Variants in DCHS2 observed in about 807,000 individuals in gnomAD.
The protein encoded by DCHS2 is protocadherin-23.
Under a neutral mutation model 182.4 loss-of-function variants are expected in DCHS2, and 142 were observed. That is an observed-to-expected ratio of 0.78 (90% CI 0.68 to 0.89). The LOEUF (loss-of-function observed/expected upper bound fraction) is 0.89, where lower values mean the gene tolerates loss of function less well. Ranked by LOEUF, DCHS2 falls within the 40% of genes least tolerant of loss-of-function variation. The pLI is 0.00. For synonymous variants in DCHS2, 1,740 were observed against 1,663.3 expected, an observed-to-expected ratio of 1.05 and a Z score of -1.12; for missense variants, 4,319 against 4,198.6, an observed-to-expected ratio of 1.03 and a Z score of -0.79.
At chr4:154,359,530 T>C (rs1730022906) in intron 3 of DCHS2, among the ~76,000 whole-genome samples, 1 of 151,504 alleles carries the variant, frequency 6.6e-6, no homozygotes, top group Non-Finnish European at 1.5e-5. Flanking sequence ...AGATACGGAG[T>C]TTAAAAGTGA....
intron 11 of DCHS2, 47 bp downstream of exon 11, chr4:154,305,050 T>A (rs751780605): frequency 2.2e-5 from 33 of 1,518,484 alleles, no homozygotes; most frequent in Admixed American, 9.5e-5. Flanking sequence ...TTTTTTTAAA[T>A]TTAATTTTTA....
rs1213170036 is a variant in DCHS2 at position 154,329,722 on chromosome 4, A to G, written c.3731-12T>C. 6.2e-7 allele frequency: 1 copy of G among 1,606,066 alleles called. No individual in the cohort carries two copies. Among genetic ancestry groups the G allele is most frequent in the South Asian group, 1.1e-5 (1 of 90,818 alleles). On this transcript the variant is annotated splice_polypyrimidine_tract_variant and intron_variant, in intron 5 of 19. Coordinates refer to ENST00000357232, the MANE Select transcript of DCHS2 (RefSeq NM_001358235.2). The stretch of plus-strand genomic sequence containing the variant: ...ATTGATTAACTCTCCTGCAGAGTAC[A>G]GAGCAGAACAAGACACAGGCACTGT...
At chr4:154,451,292 C>T (rs1490665739) in intron 1 of DCHS2, among the ~76,000 whole-genome samples, 1 of 152,194 alleles carries the variant, frequency 6.6e-6, no homozygotes, top group Non-Finnish European at 1.5e-5. Flanking sequence ...CAGACAACTA[C>T]TCTCCCTTTT....
At chr4:154,311,253 G>A (rs193290176) in intron 10 of DCHS2, among the ~76,000 whole-genome samples, 1 of 152,010 alleles carries the variant, frequency 6.6e-6, no homozygotes, top group East Asian at 1.9e-4. Context: ...CTTTTTTTAA[G>A]ACAGCATCTC....
chr4:154,373,717 C>G (rs991119108), intron 2 of DCHS2, among the ~76,000 whole-genome samples: 1 of 152,146 alleles, frequency 6.6e-6, no homozygotes, highest in Non-Finnish European at 1.5e-5. Flanking sequence ...AGAGGGTTCC[C>G]TCCTGCACAC....
At chr4:154,363,232 A>G (rs1319528392) in intron 3 of DCHS2, among the ~76,000 whole-genome samples, 1 of 152,188 alleles carries the variant, frequency 6.6e-6, no homozygotes, top group Non-Finnish European at 1.5e-5. Flanking sequence ...AAAGGAAAAA[A>G]AATCAGTATG....
intron 1 of DCHS2, among the ~76,000 whole-genome samples, chr4:154,432,966 T>C (rs903379438): frequency 6.6e-6 from 1 of 152,174 alleles, no homozygotes; most frequent in Non-Finnish European, 1.5e-5. Flanking sequence ...AACTGCTACC[T>C]TCCTCAGTGG....
At chr4:154,319,656 TAAAA>T (rs59154846) in intron 9 of DCHS2, among the ~76,000 whole-genome samples, 29,948 of 116,866 alleles carry the variant, frequency 0.26, 3,387 homozygotes, top group South Asian at 0.35. Context: ...TGGCTGTTAC[TAAAA>T]AAAAAAAAAA....
At chr4:154,242,321 T>A (rs771203443) in intron 17 of DCHS2, among the ~76,000 whole-genome samples, 6 of 152,174 alleles carry the variant, frequency 3.9e-5, no homozygotes, top group Non-Finnish European at 7.4e-5. Context: ...TAGAGGAGGT[T>A]CACAATGGTT....
intron 1 of DCHS2, among the ~76,000 whole-genome samples, chr4:154,413,128 G>C (rs1480488347): frequency 6.6e-6 from 1 of 152,140 alleles, no homozygotes; most frequent in Non-Finnish European, 1.5e-5. Context: ...AACCACTGGA[G>C]CCAATTTATT....
chr4:154,339,047 T>G (rs961458360), intron 3 of DCHS2, among the ~76,000 whole-genome samples: 38 of 152,184 alleles, frequency 2.5e-4, no homozygotes, highest in African/African-American at 8.2e-4. Flanking sequence ...GCTGAGATTA[T>G]GAAGTCTGAG....
chr4:154,491,546 G>A lies in DCHS2; in HGVS notation c.-191C>T. On this transcript the variant is annotated 5_prime_UTR_variant, in exon 1 of 20. Coordinates refer to ENST00000357232, the MANE Select transcript of DCHS2 (RefSeq NM_001358235.2). The stretch of plus-strand genomic sequence containing the variant: ...AAAGCGTCCTCTGCCTGCAGCTCAC[G>A]CAGACAGGGAAGTAAGCTCTAGCTG... 2 of 1,386,242 alleles carry A rather than the reference G, an allele frequency of 1.4e-6. No homozygotes were observed. Among genetic ancestry groups the A allele is most frequent in the Non-Finnish European group, 1.9e-6 (2 of 1,076,822 alleles). 85.9% of individuals were successfully genotyped at this position (1,386,242 alleles called of 1,614,324 possible). A position where few individuals can be genotyped will look rare whatever the true frequency, so the allele number is the denominator to read the frequency against.
At chr4:154,443,676 T>C (rs890611109) in intron 1 of DCHS2, among the ~76,000 whole-genome samples, 2 of 152,204 alleles carry the variant, frequency 1.3e-5, no homozygotes, top group African/African-American at 4.8e-5. Flanking sequence ...AATTATTACA[T>C]ATCATAGGCA....
chr4:154,398,659 C>T (rs1385004999), intron 1 of DCHS2, among the ~76,000 whole-genome samples: 1 of 152,070 alleles, frequency 6.6e-6, no homozygotes, highest in African/African-American at 2.4e-5. Flanking sequence ...TAAAGCTATC[C>T]CCATGATAAT....
At chr4:154,415,786 A>G (rs1732807966) in intron 1 of DCHS2, among the ~76,000 whole-genome samples, 1 of 152,204 alleles carries the variant, frequency 6.6e-6, no homozygotes, top group Non-Finnish European at 1.5e-5. Context: ...AGCTCCACCC[A>G]GAGGTCTCCA....
chr4:154,339,519 G>A (rs1056639813), intron 3 of DCHS2, among the ~76,000 whole-genome samples: 7 of 150,384 alleles, frequency 4.7e-5, no homozygotes, highest in Non-Finnish European at 7.4e-5. Context: ...GCGTGATCTC[G>A]GCTCACTGCA....
Position 154,234,642 on chromosome 4 carries a change from A to C in DCHS2, c.10010T>G (p.Met3337Arg). The change falls in exon 20 of 20, where the codon ATG becomes AGG. Residue 3337 changes from methionine (M) to arginine (R), a missense_variant. Met to Arg is a moderately conservative substitution (Grantham distance 91). Transcript: ENST00000357232. The stretch of plus-strand genomic sequence containing the variant: ...CAGTGGAGACAAGGCAGGAGGCTGC[A>C]TCGTCAATAGGGAAAGAGATGGAGA... ...NFSPSLSLLT[M>R]QPPALSPLLR... is the part of the protein sequence containing the mutation. 1 of 1,614,092 alleles carries C rather than the reference A, an allele frequency of 6.2e-7. No homozygotes were observed. The highest frequency in any genetic ancestry group is 8.5e-7 in the Non-Finnish European group (1 of 1,179,956).
At chr4:154,310,874 G>A (rs749441898) in intron 10 of DCHS2, among the ~76,000 whole-genome samples, 9 of 152,056 alleles carry the variant, frequency 5.9e-5, no homozygotes, top group Non-Finnish European at 1.3e-4. Context: ...ATTAGACTAG[G>A]GATTGGCAAA....
At chr4:154,387,283 G>A (rs559795514) in intron 1 of DCHS2, among the ~76,000 whole-genome samples, 1 of 152,086 alleles carries the variant, frequency 6.6e-6, no homozygotes, top group Non-Finnish European at 1.5e-5. Context: ...TGGGGTTTAG[G>A]GGAATGGAAA....
Sources: gnomAD v4.1 joint callset for allele counts (sites outside exome capture counted in the v4.1 genomes callset) on GRCh38, gnomAD v4.1.1 for gene constraint, MANE v1.5 for transcripts, NCBI Gene and HGNC (gene_info 2026-07-23, HGNC 2026-07-21) for gene names.